Variants in RBM6 observed in about 807,000 individuals in gnomAD.
RBM6 encodes the protein RNA-binding protein 6.
In RBM6, 23 loss-of-function variants were observed where a neutral mutation model predicts 140.4. The observed-to-expected ratio is 0.16, with a 90% CI of 0.12 to 0.23. The LOEUF (loss-of-function observed/expected upper bound fraction) is 0.23. Among genes scored for constraint, RBM6 ranks in the 10% least tolerant of loss-of-function variants. The pLI is 1.00. For missense variants in RBM6, 1,139 were observed against 1,386.7 expected (o/e 0.82, Z 2.84); for synonymous variants, 439 against 475.6 (o/e 0.92, Z 1.00).
chr3:49,979,348 ATGGT>A (rs1380394542), intron 5 of RBM6, among the ~76,000 whole-genome samples: 10 of 151,548 alleles, frequency 6.6e-5, no homozygotes, highest in Non-Finnish European at 2.9e-5. Flanking sequence ...GGTAGTAGTG[ATGGT>A]TGCATGACAT....
chr3:50,013,420 C>A (rs1411387106), intron 6 of RBM6, among the ~76,000 whole-genome samples: 1 of 152,092 alleles, frequency 6.6e-6, no homozygotes, highest in East Asian at 1.9e-4. Flanking sequence ...CCTGTAATCC[C>A]AGCACTTTCA....
At chr3:50,013,387 T>G (rs1273099812) in intron 6 of RBM6, among the ~76,000 whole-genome samples, 1 of 152,028 alleles carries the variant, frequency 6.6e-6, no homozygotes, top group Non-Finnish European at 1.5e-5. Flanking sequence ...AAACAGTGAA[T>G]AGGCCGAACG....
intron 6 of RBM6, among the ~76,000 whole-genome samples, chr3:50,015,724 T>G (rs1025202166): frequency 6.6e-6 from 1 of 152,136 alleles, no homozygotes; most frequent in African/African-American, 2.4e-5. Flanking sequence ...GAGCCACCGC[T>G]CCCGGCCAAT....
At chr3:50,061,584 T>TTTTTTTTTTTTTTTTTTTTTTTTTTA in intron 14 of RBM6, 37 bp downstream of exon 14, 1 of 1,282,636 alleles carries the variant, frequency 7.8e-7, no homozygotes, top group African/African-American at 1.6e-5. Flanking sequence ...TTTTTTTTTT[T>TTTTTTTTTTTTTTTTTTTTTTTTTTA]ACCTCTGTCA....
At chr3:49,973,754 T>C (rs1032393580) in intron 4 of RBM6, among the ~76,000 whole-genome samples, 4 of 151,152 alleles carry the variant, frequency 2.6e-5, no homozygotes, top group African/African-American at 9.7e-5. Flanking sequence ...CCCAGCTGAT[T>C]TTTGTATTTT....
In RBM6 at chr3:50,077,027, G is replaced by T; in HGVS notation, c.3266G>T (p.Gly1089Val). ...TTACAGGCTGAAGGCCGGATGAGGG[G>T]CCCCAGTGTTGGAGCCTCAGGAAGA... ...SSEEAEGRMR[G>V]PSVGASGRTS... Residue 1089 changes from glycine to valine, a missense_variant, in exon 21 of 21, where the codon GGC becomes GTC. Transcript: ENST00000266022. 1 of 1,611,754 alleles carries T rather than the reference G, an allele frequency of 6.2e-7. No individual in the cohort carries two copies. The highest frequency in any genetic ancestry group is 8.5e-7 in the Non-Finnish European group (1 of 1,179,558).
intron 1 of RBM6, among the ~76,000 whole-genome samples, chr3:49,944,369 TACC>T (rs779621029): frequency 3.9e-5 from 6 of 152,202 alleles, no homozygotes; most frequent in African/African-American, 7.2e-5. Context: ...TATACATATA[TACC>T]ACATTTTGTT....
chr3:49,966,998 T>C (rs751333885), intron 2 of RBM6, among the ~76,000 whole-genome samples: 5 of 152,160 alleles, frequency 3.3e-5, no homozygotes, highest in Non-Finnish European at 7.3e-5. Context: ...TATTTTTGAA[T>C]GTTACCGCTG....
Position 50,061,183 on chromosome 3 carries a change from C to T in RBM6, c.2315C>T (p.Ser772Leu), listed in dbSNP as rs2089923811. ...FRDRRGGGRN[S>L]DWSSDTNRQG... ...GATAGGAGGGGAGGTGGCAGAAATT[C>T]AGACTGGTCTTCAGATACAAATCGA... The change falls in exon 13 of 21, where the codon TCA becomes TTA. Residue 772 changes from serine to leucine, a missense_variant. By Grantham distance (145) the Ser-to-Leu change is moderately radical (BLOSUM62 -2). Transcript: ENST00000266022. 6.2e-7 allele frequency: 1 copy of T among 1,614,030 alleles called. No homozygotes were observed. The highest frequency in any genetic ancestry group is 8.5e-7 in the Non-Finnish European group (1 of 1,180,046).
intron 6 of RBM6, among the ~76,000 whole-genome samples, chr3:50,017,855 C>T (rs2087251699): frequency 6.6e-6 from 1 of 152,090 alleles, no homozygotes; most frequent in South Asian, 2.1e-4. Context: ...ATTGCCTAGA[C>T]CAGTGTTGTG....
chr3:50,023,367 G>A (rs781300215), intron 6 of RBM6, among the ~76,000 whole-genome samples: 11 of 151,938 alleles, frequency 7.2e-5, no homozygotes, highest in Non-Finnish European at 1.5e-4. Context: ...GTACAGTGGC[G>A]CGATCTCGGC....
intron 6 of RBM6, among the ~76,000 whole-genome samples, chr3:50,042,316 A>T (rs1314331111): frequency 6.6e-6 from 1 of 152,210 alleles, no homozygotes; most frequent in Non-Finnish European, 1.5e-5. Context: ...ATCACACAGC[A>T]ATCATTTTCT....
chr3:50,010,469 T>G (rs1401055814), intron 6 of RBM6, among the ~76,000 whole-genome samples: 1 of 151,992 alleles, frequency 6.6e-6, no homozygotes, highest in Non-Finnish European at 1.5e-5. Context: ...GGAAAATATT[T>G]TAGAATTAAA....
At chr3:49,998,712 G>T (rs1183689396) in intron 5 of RBM6, among the ~76,000 whole-genome samples, 1 of 152,200 alleles carries the variant, frequency 6.6e-6, no homozygotes, top group African/African-American at 2.4e-5. Flanking sequence ...GCTAACAACT[G>T]CTGTCTTTCT....
chr3:50,028,075 T>C (rs572647887), intron 6 of RBM6, among the ~76,000 whole-genome samples: 24 of 152,226 alleles, frequency 1.6e-4, no homozygotes, highest in Non-Finnish European at 2.8e-4. Flanking sequence ...TTTTTTTTTT[T>C]TTAACTAGAT....
intron 6 of RBM6, among the ~76,000 whole-genome samples, chr3:50,004,798 C>T (rs937704654): frequency 2.0e-5 from 3 of 151,912 alleles, no homozygotes; most frequent in Non-Finnish European, 4.4e-5. Context: ...AAAAAAATAA[C>T]AAACTCTGTT....
intron 6 of RBM6, among the ~76,000 whole-genome samples, chr3:50,006,516 T>C (rs947456336): frequency 6.6e-6 from 1 of 151,844 alleles, no homozygotes. Context: ...CTACCGGGGG[T>C]TGCATTTCGG....
chr3:49,969,500 A>C (rs2084682134), intron 3 of RBM6, among the ~76,000 whole-genome samples: 1 of 146,462 alleles, frequency 6.8e-6, no homozygotes, highest in Non-Finnish European at 1.5e-5. Flanking sequence ...TATATATATG[A>C]ATATATATTT....
intron 1 of RBM6, among the ~76,000 whole-genome samples, chr3:49,953,422 A>G (rs1418828607): frequency 2.7e-5 from 4 of 149,986 alleles, no homozygotes; most frequent in African/African-American, 9.8e-5. Context: ...ATTTCACCAC[A>G]TTGGCCAGGC....
Sources: allele counts gnomAD v4.1 joint callset (sites outside exome capture counted in the v4.1 genomes callset), GRCh38; gene constraint gnomAD v4.1.1; transcripts MANE v1.5; gene names NCBI Gene and HGNC (gene_info 2026-07-23, HGNC 2026-07-21).